SLC15A1: variants seen among roughly 807,000 people sequenced by gnomAD.
The protein encoded by SLC15A1 is Caco-2 oligopeptide transporter.
SLC15A1 carries 83 observed loss-of-function variants against 92.9 expected under a neutral mutation model. The observed-to-expected ratio is 0.89, with a 90% CI of 0.75 to 1.07. SLC15A1 has a LOEUF of 1.07. SLC15A1 is among the 50% of genes least tolerant of loss of function. The pLI is 0.00. For missense variants in SLC15A1, 857 were observed against 880.1 expected, an observed-to-expected ratio of 0.97 and a Z score of 0.33; for synonymous variants, 322 against 318.2, an observed-to-expected ratio of 1.01 and a Z score of -0.13.
intron 18 of SLC15A1, among the ~76,000 whole-genome samples, chr13:98,689,900 C>T (rs1206938811): frequency 6.6e-6 from 1 of 152,166 alleles, no homozygotes; most frequent in African/African-American, 2.4e-5. Flanking sequence ...TACAAAGTCC[C>T]GTGAGGCTAC....
At chr13:98,709,423 A>G in intron 14 of SLC15A1, 149 bp downstream of exon 14, 1 of 645,040 alleles carries the variant, frequency 1.6e-6, no homozygotes, top group South Asian at 2.0e-5. Context: ...ATTTTCAGAA[A>G]CATCAGCACA....
chr13:98,731,219 CT>C (rs2088348133), intron 1 of SLC15A1, among the ~76,000 whole-genome samples: 4 of 152,206 alleles, frequency 2.6e-5, no homozygotes, highest in Non-Finnish European at 5.9e-5. Context: ...TGAGCATGGC[CT>C]CTGTGTCCTG....
chr13:98,739,669 G>T (rs983610585), intron 1 of SLC15A1, among the ~76,000 whole-genome samples: 1 of 152,084 alleles, frequency 6.6e-6, no homozygotes, highest in Non-Finnish European at 1.5e-5. Context: ...CCAGCACCAT[G>T]CTTCCTGTAC....
chr13:98,711,801 G>T, intron 11 of SLC15A1, 53 bp downstream of exon 11: 1 of 1,343,156 alleles, frequency 7.4e-7, no homozygotes, highest in Non-Finnish European at 1.1e-6. Context: ...ACCTGGCAGT[G>T]CGGGATGTAC....
intron 9 of SLC15A1, among the ~76,000 whole-genome samples, chr13:98,714,489 C>G (rs2088195796): frequency 6.6e-6 from 1 of 151,772 alleles, no homozygotes; most frequent in South Asian, 2.1e-4. Flanking sequence ...AACCCTGTCT[C>G]TACAGAAATA....
At chr13:98,707,891 T>TTAAA (rs1315915894) in intron 15 of SLC15A1, among the ~76,000 whole-genome samples, 1 of 106,852 alleles carries the variant, frequency 9.4e-6, no homozygotes, top group African/African-American at 4.0e-5. Context: ...AGACCCTGTT[T>TTAAA]AAAAAAAAAA....
intron 21 of SLC15A1, among the ~76,000 whole-genome samples, chr13:98,687,024 T>C (rs2087934594): frequency 6.6e-6 from 1 of 150,928 alleles, no homozygotes; most frequent in Non-Finnish European, 1.5e-5. Flanking sequence ...CACAGCTCAC[T>C]GCTGCCTCGG....
chr13:98,704,265 A>C, intron 17 of SLC15A1, 24 bp downstream of exon 17: 3 of 1,546,556 alleles, frequency 1.9e-6, no homozygotes, highest in Non-Finnish European at 2.6e-6. Context: ...GCAAAGAGTC[A>C]GCTGTAGGTC....
intron 1 of SLC15A1, among the ~76,000 whole-genome samples, chr13:98,734,201 G>T (rs2088372126): frequency 6.6e-6 from 1 of 152,140 alleles, no homozygotes; most frequent in Admixed American, 6.6e-5. Flanking sequence ...CTGGCCTCAA[G>T]TGATCCACTC....
intron 16 of SLC15A1, 148 bp downstream of exon 16, chr13:98,705,986 G>C: frequency 1.3e-6 from 1 of 765,230 alleles, no homozygotes; most frequent in Admixed American, 2.9e-5. Context: ...CACTGGTTTA[G>C]AATATAGCCA....
rs934444433 is a variant in SLC15A1, at chr13:98,686,127, C to T, written c.1935+63G>A. ...AGAGCACACAGATGGCTAGGGAAGG[C>T]CACCATGATGACCATGAACAGGAAA... On this transcript the variant is annotated intron_variant, in intron 22 of 22. Transcript: ENST00000376503. The T allele has an allele frequency of 6.5e-6, 8 of 1,235,054 alleles. No individual in the cohort carries two copies. The African/African-American group carries it at 1.0e-4, about 16-fold the overall frequency. The allele number at this position is 1,235,054 out of a possible 1,614,324, so 76.5% of individuals were successfully genotyped here. A position where few individuals can be genotyped will look rare whatever the true frequency, so the allele number is the denominator to read the frequency against.
chr13:98,709,481 G>T lies in SLC15A1; in HGVS notation c.1067+91C>A, dbSNP rs2088143272. 3 of 954,410 alleles carry T rather than the reference G, an allele frequency of 3.1e-6. No homozygotes were observed. In the South Asian group the frequency reaches 4.1e-5, roughly 13 times the overall value. The allele number at this position is 954,410 out of a possible 1,614,324, so 59.1% of individuals were successfully genotyped here. On this transcript the variant is annotated intron_variant, in intron 14 of 22. Transcript: ENST00000376503. The stretch of plus-strand genomic sequence containing the variant: ...TTCAAAACCCTATCCTCTAGGCGAG[G>T]TTGCGGGAAGGGCTGCAGGCTGAGC...
In SLC15A1 at chr13:98,686,300, G is replaced by C. The variant is rs1472019108; in HGVS notation, c.1828-3C>G. ...ACCGACTTCATGTTGGAAGGAGCCT[G>C]AGGAAGCAAAGCAAAGTGAGTCCTG... On this transcript the variant is annotated splice_region_variant and splice_polypyrimidine_tract_variant and intron_variant, in intron 21 of 22. Transcript: ENST00000376503. 1.9e-6 allele frequency: 3 copies of C among 1,604,050 alleles called. No individual in the cohort carries two copies. The highest frequency in any genetic ancestry group is 2.7e-5 in the African/African-American group (2 of 74,804).
intron 17 of SLC15A1, among the ~76,000 whole-genome samples, chr13:98,702,851 C>T (rs540095185): frequency 2.7e-5 from 4 of 149,458 alleles, no homozygotes; most frequent in Non-Finnish European, 5.9e-5. Flanking sequence ...AGGAAGCTGA[C>T]GTGGGAGGGA....
At chr13:98,728,812 C>T (rs2088322558) in intron 1 of SLC15A1, among the ~76,000 whole-genome samples, 1 of 151,556 alleles carries the variant, frequency 6.6e-6, no homozygotes, top group South Asian at 2.1e-4. Context: ...GAACCCCCAT[C>T]TCTACTAAAA....
chr13:98,735,824 G>C (rs1273276783), intron 1 of SLC15A1, among the ~76,000 whole-genome samples: 3 of 152,114 alleles, frequency 2.0e-5, no homozygotes, highest in Non-Finnish European at 4.4e-5. Flanking sequence ...ACAAACCACT[G>C]CTCAATGAAA....
At chr13:98,687,829 T>A in intron 20 of SLC15A1, 105 bp from the exon 21 acceptor site, 1 of 1,346,056 alleles carries the variant, frequency 7.4e-7, no homozygotes, top group Non-Finnish European at 1.0e-6. Flanking sequence ...ATCATATGAT[T>A]TGTCAAGTAC....
At chr13:98,717,674 A>AAT (rs1937499383) in intron 8 of SLC15A1, among the ~76,000 whole-genome samples, 1 of 152,136 alleles carries the variant, frequency 6.6e-6, no homozygotes, top group East Asian at 1.9e-4. Flanking sequence ...AAAAGAGGAG[A>AAT]ATACTGAGCT....
At chr13:98,736,408 T>C (rs1211377651) in intron 1 of SLC15A1, among the ~76,000 whole-genome samples, 1 of 152,068 alleles carries the variant, frequency 6.6e-6, no homozygotes, top group Non-Finnish European at 1.5e-5. Context: ...ACCTAGGCAA[T>C]ACCATTCAGG....
Sources: allele counts gnomAD v4.1 joint callset (sites outside exome capture counted in the v4.1 genomes callset), GRCh38; gene constraint gnomAD v4.1.1; transcripts MANE v1.5; gene names NCBI Gene and HGNC (gene_info 2026-07-23, HGNC 2026-07-21).